Variants in GRID2IP observed in about 807,000 individuals in gnomAD.
GRID2IP encodes Grid2 interacting protein.
GRID2IP carries 78 observed loss-of-function variants against 114.3 expected under a neutral mutation model. The ratio of observed to expected loss-of-function variants is 0.68; its 90% CI spans 0.57 to 0.82. The LOEUF (loss-of-function observed/expected upper bound fraction) is 0.82, where lower values mean the gene tolerates loss of function less well. Ranked by LOEUF, GRID2IP falls within the 40% of genes least tolerant of loss-of-function variation. The pLI, the probability that GRID2IP is intolerant of heterozygous loss-of-function variation, is 0.00. For missense variants in GRID2IP, 1,727 were observed against 1,678.5 expected (o/e 1.03, Z -0.51); for synonymous variants, 809 against 724.0 (o/e 1.12, Z -1.89).
intron 1 of GRID2IP, among the ~76,000 whole-genome samples, chr7:6,540,999 G>C (rs1310869528): frequency 6.6e-6 from 1 of 151,890 alleles, no homozygotes; most frequent in Non-Finnish European, 1.5e-5. Context: ...TACATGCTTG[G>C]CTAATCTGTT....
chr7:6,522,805 A>ATGTGTGTG (rs776645557), intron 4 of GRID2IP, among the ~76,000 whole-genome samples: 1 of 57,044 alleles, frequency 1.8e-5, no homozygotes, highest in Admixed American at 1.9e-4. Flanking sequence ...TGCCTGGCTA[A>ATGTGTGTG]TATGTGTGTG....
chr7:6,526,143 A>G lies in GRID2IP; in HGVS notation c.919+81T>C. The G allele has an allele frequency of 9.0e-7, 1 of 1,110,442 alleles. No homozygotes were observed. The allele number at this position is 1,110,442 out of a possible 1,614,324, so 68.8% of individuals were successfully genotyped here. A position where few individuals can be genotyped will look rare whatever the true frequency, so the allele number is the denominator to read the frequency against. ...TGAGCAGGAGCCTACATGGGGTACAATGACCCGGCAGAGCCACCACGGGGC... is the reference window on the plus strand; with the variant it reads ...TGAGCAGGAGCCTACATGGGGTACAGTGACCCGGCAGAGCCACCACGGGGC... On this transcript the variant is annotated intron_variant, in intron 4 of 21. Coordinates refer to ENST00000457091, the MANE Select transcript of GRID2IP (RefSeq NM_001145118.2). This position sits in a 1 kb window ranked among gnomAD's most constrained non-coding sequence, Gnocchi z 7.6.
chr7:6,526,497 C>T lies in GRID2IP; in HGVS notation c.833+24G>A. The stretch of plus-strand genomic sequence containing the variant: ...CCCACCCGCAGGGAGGCGCCCGCTG[C>T]CAGTGCCTGTGAGCCCCGCGTACCT... On this transcript the variant is annotated intron_variant, in intron 3 of 21. Coordinates refer to ENST00000457091, the MANE Select transcript of GRID2IP (RefSeq NM_001145118.2). The surrounding 1 kb of genome is among the most constrained non-coding windows in gnomAD (Gnocchi z 7.6). 7.3e-7 allele frequency: 1 copy of T among 1,366,890 alleles called. No individual in the cohort carries two copies. Among genetic ancestry groups the T allele is most frequent in the African/African-American group, 1.5e-5 (1 of 66,906 alleles). 84.7% of individuals were successfully genotyped at this position (1,366,890 alleles called of 1,614,324 possible).
intron 16 of GRID2IP, 40 bp from the exon 17 acceptor site, chr7:6,503,203 C>G: frequency 8.3e-7 from 1 of 1,199,754 alleles, no homozygotes; most frequent in African/African-American, 1.6e-5. Flanking sequence ...CATCCCCTTC[C>G]TGGGACCCTC....
chr7:6,504,939 C>T, intron 14 of GRID2IP, 69 bp from the exon 15 acceptor site: 1 of 1,326,870 alleles, frequency 7.5e-7, no homozygotes, highest in Non-Finnish European at 1.1e-6. Context: ...CCAGGGGTGG[C>T]GTGGTCACAG....
At chr7:6,503,263 C>T (rs1786469739) in intron 16 of GRID2IP, 100 bp from the exon 17 acceptor site, 1 of 1,181,514 alleles carries the variant, frequency 8.5e-7, no homozygotes, top group Admixed American at 2.9e-5. Context: ...CTGGCTGCTT[C>T]GGCCCGATAT....
chr7:6,502,244 T>C, intron 18 of GRID2IP, 126 bp from the exon 19 acceptor site: 1 of 841,572 alleles, frequency 1.2e-6, no homozygotes, highest in Non-Finnish European at 1.9e-6. Context: ...TTTTTTTTAA[T>C]AGCAGGGTCT....
At position 6,523,681 on chromosome 7, in the gene GRID2IP, A is replaced by G. The variant is rs1026567387; in HGVS notation, c.920-1724T>C. Among the ~76,000 whole-genome samples, 1 of 151,800 alleles carries G rather than the reference A, an allele frequency of 6.6e-6. No homozygotes were observed. The highest frequency in any genetic ancestry group is 2.4e-5 in the African/African-American group (1 of 41,314). On this transcript the variant is annotated intron_variant, in intron 4 of 21. Transcript: ENST00000457091. The surrounding 1 kb of genome is among the most constrained non-coding windows in gnomAD (Gnocchi z 4.5). ...ACTTCTGGGCTCAAGTGATCCTCCC[A>G]CCCCAGCCTCCAGAGTAGCTGGGAC...
chr7:6,516,276 T>G lies in GRID2IP; in HGVS notation c.1269-1747A>C, dbSNP rs1386092699. Among the ~76,000 whole-genome samples the G allele has an allele frequency of 2.0e-5, 3 of 151,406 alleles. No individual in the cohort carries two copies. Among genetic ancestry groups the G allele is most frequent in the African/African-American group, 7.3e-5 (3 of 41,202 alleles). ...AGCTGTTCCAATATAATAAAGAAAA[T>G]ACATAGAATAAGAATAGTTATACTA... is the stretch of plus-strand genomic sequence containing the variant. On this transcript the variant is annotated intron_variant, in intron 7 of 21. Transcript: ENST00000457091. This position sits in a 1 kb window ranked among gnomAD's most constrained non-coding sequence, Gnocchi z 4.3.
Position 6,497,664 on chromosome 7 carries a change from G to C in GRID2IP, c.*110C>G. Reference sequence around the variant, plus strand: ...TGAGGTAGCTGCAGGAGAGGCTGGCGGTGTGCTCAGAGCCCGGGGCACAGT... The same window carrying C: ...TGAGGTAGCTGCAGGAGAGGCTGGCCGTGTGCTCAGAGCCCGGGGCACAGT... On this transcript the variant is annotated 3_prime_UTR_variant, in exon 22 of 22. Coordinates refer to ENST00000457091, the MANE Select transcript of GRID2IP (RefSeq NM_001145118.2). 1.4e-6 allele frequency: 1 copy of C among 731,100 alleles called. No individual in the cohort carries two copies. The highest frequency in any genetic ancestry group is 1.8e-5 in the African/African-American group (1 of 55,646). The allele number at this position is 731,100 out of a possible 1,614,324, so 45.3% of individuals were successfully genotyped here.
In GRID2IP at chr7:6,536,069, C is replaced by G. The variant is rs1240347082; in HGVS notation, c.584+3649G>C. On this transcript the variant is annotated intron_variant, in intron 2 of 21. Transcript: ENST00000457091. This position sits in a 1 kb window ranked among gnomAD's most constrained non-coding sequence, Gnocchi z 5.3. Reference sequence around the variant, plus strand: ...CGTCTGTGGCTTCTCCATGCCCCCTCTGACCTCTCTCCAGATGGGGCTGCC... The same window carrying G: ...CGTCTGTGGCTTCTCCATGCCCCCTGTGACCTCTCTCCAGATGGGGCTGCC... Among the ~76,000 whole-genome samples the G allele has an allele frequency of 2.0e-5, 3 of 152,344 alleles. No individual in the cohort carries two copies. The highest frequency in any genetic ancestry group is 4.8e-5 in the African/African-American group (2 of 41,584).
rs532219324 is a variant in GRID2IP, at chr7:6,501,539, T to C, written c.3399+242A>G. Among the ~76,000 whole-genome samples the C allele has an allele frequency of 1.2e-4, 18 of 152,256 alleles. No homozygotes were observed. The South Asian group carries it at 3.5e-3, about 30-fold the overall frequency. ...CAACATGGCAAAACCTTGTCTCTAC[T>C]AAAAATACAAAAATTAGCCAGGCAT... is the stretch of plus-strand genomic sequence containing the variant. On this transcript the variant is annotated intron_variant, in intron 20 of 21. Coordinates refer to ENST00000457091, the MANE Select transcript of GRID2IP (RefSeq NM_001145118.2).
At position 6,527,830 on chromosome 7, in the gene GRID2IP, C is replaced by G. The variant is rs565896737; in HGVS notation, c.585-1061G>C. ...CTGGAGTACAATGGTGAGATCTCAGCTCATTGGAACCTCCACCTCCCCAGT... is the reference window on the plus strand; with the variant it reads ...CTGGAGTACAATGGTGAGATCTCAGGTCATTGGAACCTCCACCTCCCCAGT... On this transcript the variant is annotated intron_variant, in intron 2 of 21. Transcript: ENST00000457091. Among the ~76,000 whole-genome samples, 398 of 150,880 alleles carry G rather than the reference C, an allele frequency of 2.6e-3. 2 individuals are homozygous for G. Among genetic ancestry groups the G allele is most frequent in the Middle Eastern group, 0.01 (3 of 290 alleles).
Position 6,503,168 on chromosome 7 carries a change from C to G in GRID2IP, c.2908-5G>C. ...GTATTCGGGAACTGACAGCATCTGCCTCGAAGGCAGAGCCAGGATTCACCC... is the reference window on the plus strand; with the variant it reads ...GTATTCGGGAACTGACAGCATCTGCGTCGAAGGCAGAGCCAGGATTCACCC... On this transcript the variant is annotated splice_region_variant and splice_polypyrimidine_tract_variant and intron_variant, in intron 16 of 21. Coordinates refer to ENST00000457091, the MANE Select transcript of GRID2IP (RefSeq NM_001145118.2). 6.6e-7 allele frequency: 1 copy of G among 1,511,454 alleles called. No homozygotes were observed. Among genetic ancestry groups the G allele is most frequent in the South Asian group, 1.3e-5 (1 of 78,590 alleles). 93.6% of individuals were successfully genotyped at this position (1,511,454 alleles called of 1,614,324 possible).
Position 6,519,547 on chromosome 7 carries a change from C to T in GRID2IP, c.1268+1031G>A, listed in dbSNP as rs561192277. 2.0e-5 allele frequency among the ~76,000 whole-genome samples: 3 copies of T among 151,874 alleles called. No individual in the cohort carries two copies. The highest frequency in any genetic ancestry group is 2.9e-5 in the Non-Finnish European group (2 of 67,982). Reference sequence around the variant, plus strand: ...CTGAAGCAGGTGGATCACCTGAGGTCGGGAGTTTGAGACCAGCCTGACCAA... The same window carrying T: ...CTGAAGCAGGTGGATCACCTGAGGTTGGGAGTTTGAGACCAGCCTGACCAA... On this transcript the variant is annotated intron_variant, in intron 7 of 21. Coordinates refer to ENST00000457091, the MANE Select transcript of GRID2IP (RefSeq NM_001145118.2). The surrounding 1 kb of genome is among the most constrained non-coding windows in gnomAD (Gnocchi z 4.1).
chr7:6,539,812 G>C lies in GRID2IP; in HGVS notation c.490C>G (p.Gln164Glu). 6.4e-7 allele frequency: 1 copy of C among 1,551,056 alleles called. No homozygotes were observed. Among genetic ancestry groups the C allele is most frequent in the Non-Finnish European group, 8.7e-7 (1 of 1,146,924 alleles). Residue 164 changes from glutamine (Q) to glutamate (E), a missense_variant, in exon 2 of 22, where the codon CAG becomes GAG. Gln to Glu is a conservative substitution (Grantham distance 29). Transcript: ENST00000457091. ...AKEQVFAALKQFAAEQRVDDL... is the reference protein window; with the variant it reads ...AKEQVFAALKEFAAEQRVDDL... ...TCCACCCGCTGCTCAGCTGCAAACTGCTTCAGTGCAGCGAACACCTGCTCC... is the reference window on the plus strand; with the variant it reads ...TCCACCCGCTGCTCAGCTGCAAACTCCTTCAGTGCAGCGAACACCTGCTCC...
rs984544463 is a variant in GRID2IP, at chr7:6,526,866, C to G, written c.585-97G>C. 38 of 1,280,412 alleles carry G rather than the reference C, an allele frequency of 3.0e-5. No homozygotes were observed. The highest frequency in any genetic ancestry group is 7.9e-5 in the African/African-American group (5 of 63,106). The allele number at this position is 1,280,412 out of a possible 1,614,324, so 79.3% of individuals were successfully genotyped here. On this transcript the variant is annotated intron_variant, in intron 2 of 21. Transcript: ENST00000457091. The surrounding 1 kb of genome is among the most constrained non-coding windows in gnomAD (Gnocchi z 7.6). ...GCGTCCTCGCGGGCGCCGCCCTAGG[C>G]TCTCCCACCTCTTCCTAGGAGTGGC...
rs1002835555 is a variant in GRID2IP, at chr7:6,512,231, C to CTTTTTTTTTTTTTTTTTTTTTTTTT, written c.1424-1193_1424-1192insAAAAAAAAAAAAAAAAAAAAAAAAA. ...CACACCTGCCTTTTTTTCTTTTCTT[C>CTTTTTTTTTTTTTTTTTTTTTTTTT]TTTTTTTTTTTTTTTTTTGTGACAG... On this transcript the variant is annotated intron_variant, in intron 8 of 21. Transcript: ENST00000457091. 3.5e-4 allele frequency among the ~76,000 whole-genome samples: 32 copies of CTTTTTTTTTTTTTTTTTTTTTTTTT among 90,204 alleles called. 6 individuals are homozygous for CTTTTTTTTTTTTTTTTTTTTTTTTT. Among genetic ancestry groups the CTTTTTTTTTTTTTTTTTTTTTTTTT allele is most frequent in the African/African-American group, 1.3e-3 (29 of 21,718 alleles). 59.2% of individuals were successfully genotyped at this position (90,204 alleles called of 152,430 possible).
At position 6,516,262 on chromosome 7, in the gene GRID2IP, T is replaced by C. The variant is rs930459884; in HGVS notation, c.1269-1733A>G. On this transcript the variant is annotated intron_variant, in intron 7 of 21. Transcript: ENST00000457091. This position sits in a 1 kb window ranked among gnomAD's most constrained non-coding sequence, Gnocchi z 4.3. ...AGACCGAGGGCACAAGCTGTTCCAATATAATAAAGAAAATACATAGAATAA... is the reference window on the plus strand; with the variant it reads ...AGACCGAGGGCACAAGCTGTTCCAACATAATAAAGAAAATACATAGAATAA... Among the ~76,000 whole-genome samples, 4 of 151,798 alleles carry C rather than the reference T, an allele frequency of 2.6e-5. No individual in the cohort carries two copies. The highest frequency in any genetic ancestry group is 4.8e-5 in the African/African-American group (2 of 41,356).
Sources: gnomAD v4.1 joint callset for allele counts (sites outside exome capture counted in the v4.1 genomes callset) on GRCh38, gnomAD v4.1.1 for gene constraint, Gnocchi (gnomAD v3.1) non-coding constraint, MANE v1.5 for transcripts, NCBI Gene and HGNC (gene_info 2026-07-23, HGNC 2026-07-21) for gene names.